Variants in PKIB observed in about 807,000 individuals in gnomAD.
PKIB encodes cAMP-dependent protein kinase inhibitor beta.
In PKIB, 2 loss-of-function variants were observed where a neutral mutation model predicts 4.5. The observed-to-expected ratio is 0.44, with a 90% CI of 0.18 to 1.39. The LOEUF is 1.39. Ranked by LOEUF, PKIB falls within the 40% of genes most tolerant of loss-of-function variation. The pLI, the probability that PKIB is intolerant of heterozygous loss-of-function variation, is 0.27. For synonymous variants in PKIB, 38 were observed against 36.0 expected (o/e 1.06, Z -0.20); for missense variants, 94 against 92.6 (o/e 1.02, Z -0.06).
At chr6:122,510,854 T>C (rs1776564290) in intron 2 of PKIB, among the ~76,000 whole-genome samples, 1 of 152,126 alleles carries the variant, frequency 6.6e-6, no homozygotes, top group Admixed American at 6.5e-5. Flanking sequence ...CTTTTCATAA[T>C]GAACTGTGGG....
intron 2 of PKIB, among the ~76,000 whole-genome samples, chr6:122,650,568 G>A (rs191482758): frequency 1.3e-4 from 20 of 152,240 alleles, no homozygotes; most frequent in East Asian, 9.7e-4. Context: ...TGTTCACTGT[G>A]TAACCACATC....
intron 2 of PKIB, among the ~76,000 whole-genome samples, chr6:122,641,988 C>A (rs1454454763): frequency 2.0e-5 from 3 of 152,192 alleles, no homozygotes; most frequent in Non-Finnish European, 4.4e-5. Context: ...CCACAGCTCC[C>A]AGCTGTTACT....
intron 2 of PKIB, among the ~76,000 whole-genome samples, chr6:122,634,167 A>G (rs1007006381): frequency 1.3e-5 from 2 of 152,028 alleles, no homozygotes; most frequent in African/African-American, 2.4e-5. Context: ...ATGAGAACAC[A>G]TGGACATAGG....
At chr6:122,711,415 A>T (rs1381790148) in intron 3 of PKIB, among the ~76,000 whole-genome samples, 2 of 152,160 alleles carry the variant, frequency 1.3e-5, no homozygotes, top group African/African-American at 4.8e-5. Context: ...AAGTGTCTGG[A>T]TCTGGAAGTC....
chr6:122,523,993 G>A (rs145078345), intron 2 of PKIB, among the ~76,000 whole-genome samples: 2 of 152,284 alleles, frequency 1.3e-5, no homozygotes, highest in African/African-American at 4.8e-5. Context: ...GTACAGTGGT[G>A]TATACCCCTT....
intron 3 of PKIB, among the ~76,000 whole-genome samples, chr6:122,687,171 A>G (rs958312309): frequency 2.6e-5 from 4 of 152,080 alleles, no homozygotes; most frequent in African/African-American, 7.2e-5. Flanking sequence ...GTCTAGTTTC[A>G]CTCTTCTGCA....
At chr6:122,500,639 A>G (rs1466595219) in intron 2 of PKIB, among the ~76,000 whole-genome samples, 1 of 152,228 alleles carries the variant, frequency 6.6e-6, no homozygotes, top group Non-Finnish European at 1.5e-5. Flanking sequence ...ATTCCTAGAA[A>G]ACAAGTAGGC....
chr6:122,629,823 G>A (rs1775621167), intron 1 of PKIB, among the ~76,000 whole-genome samples: 2 of 152,034 alleles, frequency 1.3e-5, no homozygotes, highest in Non-Finnish European at 2.9e-5. Flanking sequence ...AACTATTAAG[G>A]TCATTAAAAA....
chr6:122,642,875 A>G (rs1445470772), intron 2 of PKIB, among the ~76,000 whole-genome samples: 2 of 152,196 alleles, frequency 1.3e-5, no homozygotes, highest in East Asian at 3.8e-4. Flanking sequence ...TGATATTACT[A>G]TTGTATCACT....
chr6:122,648,554 A>G (rs117760653), intron 2 of PKIB, among the ~76,000 whole-genome samples: 1 of 152,140 alleles, frequency 6.6e-6, no homozygotes, highest in Non-Finnish European at 1.5e-5. Flanking sequence ...AGTGAATTAG[A>G]GTTTCTTTGC....
intron 3 of PKIB, among the ~76,000 whole-genome samples, chr6:122,711,694 A>G (rs984017148): frequency 2.0e-5 from 3 of 152,172 alleles, no homozygotes; most frequent in African/African-American, 7.2e-5. Context: ...ACATTCATGT[A>G]TATTAGTATT....
intron 2 of PKIB, among the ~76,000 whole-genome samples, chr6:122,579,814 T>C (rs778503706): frequency 1.3e-5 from 2 of 152,176 alleles, no homozygotes; most frequent in African/African-American, 4.8e-5. Context: ...CTCACACAAG[T>C]AGCCACATAA....
At chr6:122,501,566 C>T (rs914631543) in intron 2 of PKIB, among the ~76,000 whole-genome samples, 2 of 152,198 alleles carry the variant, frequency 1.3e-5, no homozygotes, top group Non-Finnish European at 2.9e-5. Flanking sequence ...ATTACTTTGG[C>T]CCCTTTTAGC....
upstream of PKIB, among the ~76,000 whole-genome samples, chr6:122,606,588 G>C (rs941891166): frequency 4.2e-4 from 61 of 145,898 alleles, no homozygotes; most frequent in African/African-American, 1.5e-3. Flanking sequence ...GAAAAAAAAA[G>C]CTAGAAGAGA....
At chr6:122,638,099 G>A (rs1324752088) in intron 2 of PKIB, among the ~76,000 whole-genome samples, 1 of 152,146 alleles carries the variant, frequency 6.6e-6, no homozygotes, top group East Asian at 1.9e-4. Context: ...GATAAAATTT[G>A]GAGAGAAATG....
chr6:122,485,840 G>A (rs1775751071), intron 2 of PKIB, among the ~76,000 whole-genome samples: 1 of 152,184 alleles, frequency 6.6e-6, no homozygotes, highest in East Asian at 1.9e-4. Flanking sequence ...TGGATTCACT[G>A]TAACTTTTGG....
At chr6:122,553,265 A>T (rs1313338551) in intron 2 of PKIB, among the ~76,000 whole-genome samples, 2 of 152,086 alleles carry the variant, frequency 1.3e-5, no homozygotes, top group Non-Finnish European at 2.9e-5. Context: ...TCAAGAGTGT[A>T]AACTATTAGG....
intron 2 of PKIB, among the ~76,000 whole-genome samples, chr6:122,640,639 T>A (rs910663541): frequency 2.0e-5 from 3 of 152,174 alleles, no homozygotes; most frequent in African/African-American, 7.2e-5. Flanking sequence ...TATCAACTGT[T>A]GCATAATTTG....
chr6:122,607,486 C>G (rs1275279061), upstream of PKIB, among the ~76,000 whole-genome samples: 1 of 152,124 alleles, frequency 6.6e-6, no homozygotes, highest in Non-Finnish European at 1.5e-5. Context: ...CCACTGCACT[C>G]CAGCCTGGGT....
Sources: allele counts gnomAD v4.1 joint callset (sites outside exome capture counted in the v4.1 genomes callset), GRCh38; gene constraint gnomAD v4.1.1; transcripts MANE v1.5; gene names NCBI Gene and HGNC (gene_info 2026-07-23, HGNC 2026-07-21).